The following MTA3 variants were observed in gnomAD, a reference collection of about 807,000 sequenced individuals.
MTA3 encodes the protein metastasis associated 1 family member 3.
In MTA3, 34 loss-of-function variants were observed where a neutral mutation model predicts 83.5. That is an observed-to-expected ratio of 0.41 (90% CI 0.31 to 0.54). The LOEUF (loss-of-function observed/expected upper bound fraction) is 0.54. Ranked by LOEUF, MTA3 falls within the 20% of genes least tolerant of loss-of-function variation. MTA3 has a pLI of 0.33. For missense variants in MTA3, 761 were observed against 726.4 expected, an observed-to-expected ratio of 1.05 and a Z score of -0.55; for synonymous variants, 303 against 252.7, an observed-to-expected ratio of 1.20 and a Z score of -1.89.
intron 2 of MTA3, among the ~76,000 whole-genome samples, chr2:42,545,985 G>A (rs1676741220): frequency 6.6e-6 from 1 of 152,124 alleles, no homozygotes. Flanking sequence ...GACAGGCTCC[G>A]CGTTAACACT....
At chr2:42,504,390 C>A (rs1674536463) in intron 2 of MTA3, among the ~76,000 whole-genome samples, 2 of 152,138 alleles carry the variant, frequency 1.3e-5, no homozygotes, top group South Asian at 4.1e-4. Context: ...CAGGCATGCA[C>A]CACCATGCCT....
chr2:42,573,768 C>A (rs1054961250), intron 2 of MTA3, among the ~76,000 whole-genome samples: 1 of 152,134 alleles, frequency 6.6e-6, no homozygotes, highest in East Asian at 1.9e-4. Flanking sequence ...GCCTTGGCCT[C>A]CCAAAGTGCT....
intron 14 of MTA3, 66 bp from the exon 15 acceptor site, chr2:42,718,922 G>A (rs1411426594): frequency 8.8e-7 from 1 of 1,138,816 alleles, no homozygotes; most frequent in Non-Finnish European, 1.3e-6. Flanking sequence ...TTATTTCTGT[G>A]GTGCATGTAG....
chr2:42,662,605 A>G (rs1355695859), intron 8 of MTA3, among the ~76,000 whole-genome samples: 1 of 151,268 alleles, frequency 6.6e-6, no homozygotes, highest in African/African-American at 2.4e-5. Context: ...TTGTAGATCT[A>G]TTTTTCCCTG....
intron 9 of MTA3, among the ~76,000 whole-genome samples, chr2:42,684,405 G>A (rs1391860737): frequency 6.6e-6 from 1 of 152,166 alleles, no homozygotes; most frequent in African/African-American, 2.4e-5. Flanking sequence ...AATTAAAACT[G>A]TTAGTGTCAC....
At chr2:42,626,439 A>T (rs1204098874) in intron 4 of MTA3, among the ~76,000 whole-genome samples, 1 of 151,036 alleles carries the variant, frequency 6.6e-6, no homozygotes, top group East Asian at 1.9e-4. Context: ...CTGGCATTAA[A>T]GGCACCCACC....
intron 4 of MTA3, among the ~76,000 whole-genome samples, chr2:42,622,214 C>T (rs916579448): frequency 3.3e-5 from 5 of 152,166 alleles, no homozygotes; most frequent in Non-Finnish European, 7.3e-5. Context: ...ACCAGCCCGG[C>T]CAACACAGCG....
chr2:42,707,753 C>G (rs1011160440), intron 12 of MTA3, 150 bp from the exon 13 acceptor site: 7 of 824,028 alleles, frequency 8.5e-6, no homozygotes, highest in African/African-American at 5.2e-5. Flanking sequence ...ATTAAAAAAA[C>G]AAATATACTA....
rs555509086 is a variant in MTA3, at chr2:42,709,479, G to A, written c.1525+383G>A. The A allele has an allele frequency of 2.9e-4, 77 of 263,016 alleles. 2 individuals carry two copies. The South Asian group carries it at 4.0e-3, about 14-fold the overall frequency. The allele number at this position is 263,016 out of a possible 1,614,324, so 16.3% of individuals were successfully genotyped here. On this transcript the variant is annotated intron_variant, in intron 14 of 16. Coordinates refer to ENST00000405094, the MANE Select transcript of MTA3 (RefSeq NM_001330442.2). ...GCTGTTATAATGAGACTCCATAATCGAGACAGTACAGTCCAGTCTTACATG... is the reference window on the plus strand; with the variant it reads ...GCTGTTATAATGAGACTCCATAATCAAGACAGTACAGTCCAGTCTTACATG...
chr2:42,555,485 G>T lies in MTA3; in HGVS notation c.-140-14952G>T, dbSNP rs559640116. Among the ~76,000 whole-genome samples the T allele has an allele frequency of 1.1e-4, 16 of 149,138 alleles. No individual in the cohort carries two copies. In the East Asian group the frequency reaches 2.6e-3, roughly 24 times the overall value. Reference sequence around the variant, plus strand: ...AAAAAAAAAAAAAAAAAAGAGCCGGGCGCAGTGGCTCACACCTGTAATCTT... The same window carrying T: ...AAAAAAAAAAAAAAAAAAGAGCCGGTCGCAGTGGCTCACACCTGTAATCTT... On this transcript the variant is annotated intron_variant, in intron 2 of 17. Coordinates refer to the MTA3 transcript ENST00000405592.
intron 8 of MTA3, among the ~76,000 whole-genome samples, chr2:42,667,643 GA>G (rs1690400728): frequency 6.8e-6 from 1 of 146,802 alleles, no homozygotes; most frequent in African/African-American, 2.5e-5. Flanking sequence ...GAGAGAGAGA[GA>G]GAGAGAGAGA....
Position 42,741,094 on chromosome 2 carries a change from C to T in MTA3, c.1760-12280C>T, listed in dbSNP as rs543939884. ...ACAGCTTCTACATCAGCGCTTGCTG[C>T]TTTACTTGCACTTTTATGTTTATGG... On this transcript the variant is annotated intron_variant, in intron 16 of 16. Coordinates refer to ENST00000405094, the MANE Select transcript of MTA3 (RefSeq NM_001330442.2). 4.3e-4 allele frequency among the ~76,000 whole-genome samples: 65 copies of T among 152,244 alleles called. 1 individual carries two copies. The highest frequency in any genetic ancestry group is 1.5e-3 in the Admixed American group (23 of 15,292).
chr2:42,580,355 AATTTT>A (rs1679480629), intron 3 of MTA3, among the ~76,000 whole-genome samples: 1 of 151,072 alleles, frequency 6.6e-6, no homozygotes, highest in African/African-American at 2.4e-5. Context: ...TTATTTAATT[AATTTT>A]ATTTATTTAT....
At chr2:42,641,751 A>G (rs1460663414) in intron 5 of MTA3, among the ~76,000 whole-genome samples, 1 of 152,152 alleles carries the variant, frequency 6.6e-6, no homozygotes, top group Non-Finnish European at 1.5e-5. Flanking sequence ...CTGTAATCCC[A>G]GCTACTTGGG....
chr2:42,727,830 A>G (rs1404625263), intron 16 of MTA3, among the ~76,000 whole-genome samples: 1 of 152,136 alleles, frequency 6.6e-6, no homozygotes, highest in Non-Finnish European at 1.5e-5. Flanking sequence ...TTGTGGATAC[A>G]TAGTAGATGT....
intron 3 of MTA3, among the ~76,000 whole-genome samples, chr2:42,581,591 A>G (rs1476653966): frequency 1.3e-5 from 2 of 150,184 alleles, no homozygotes; most frequent in Non-Finnish European, 3.0e-5. Context: ...TTATGTTGCC[A>G]GGGTGGGTCT....
chr2:42,643,302 G>T lies in MTA3; in HGVS notation c.382-825G>T, dbSNP rs1026569545. On this transcript the variant is annotated intron_variant, in intron 5 of 16. Transcript: ENST00000405094. ...CTTCCAGGATATAATACAGAGAACT[G>T]GGCAGCCGATAACCTTTGGGATCGT... is the stretch of plus-strand genomic sequence containing the variant. 2.0e-5 allele frequency among the ~76,000 whole-genome samples: 3 copies of T among 152,246 alleles called. No individual in the cohort carries two copies. The East Asian group carries it at 5.8e-4, about 29-fold the overall frequency.
At chr2:42,621,181 G>C (rs546839738) in intron 4 of MTA3, among the ~76,000 whole-genome samples, 1 of 149,918 alleles carries the variant, frequency 6.7e-6, no homozygotes, top group East Asian at 2.0e-4. Context: ...TCTCGCAGAG[G>C]GGGATTTGGC....
intron 16 of MTA3, among the ~76,000 whole-genome samples, chr2:42,735,633 G>T (rs187373264): frequency 6.7e-4 from 102 of 152,144 alleles, no homozygotes; most frequent in African/African-American, 2.4e-3. Context: ...GATCTTTTAA[G>T]TGTGCTTCAT....
Sources: allele counts gnomAD v4.1 joint callset (sites outside exome capture counted in the v4.1 genomes callset), GRCh38; gene constraint gnomAD v4.1.1; transcripts MANE v1.5; gene names NCBI Gene and HGNC (gene_info 2026-07-23, HGNC 2026-07-21).